The following FN1 variants were observed in gnomAD, a reference collection of about 807,000 sequenced individuals.
FN1 encodes the protein fibronectin 1, also known as fibronectin.
Under a neutral mutation model 297.3 loss-of-function variants are expected in FN1, and 106 were observed. The ratio of observed to expected loss-of-function variants is 0.36; its 90% confidence interval spans 0.30 to 0.42. The LOEUF (loss-of-function observed/expected upper bound fraction) is 0.42. Among genes scored for constraint, FN1 ranks in the 10% least tolerant of loss-of-function variants. FN1 has a pLI of 1.00. For missense variants in FN1, 2,690 were observed against 3,124.9 expected (o/e 0.86, Z 3.32); for synonymous variants, 1,149 against 1,152.6 (o/e 1.00, Z 0.06).
At chr2:215,371,833 A>C (rs2056232570) in intron 40 of FN1, 76 bp downstream of exon 40, 3 of 1,320,156 alleles carry the variant, frequency 2.3e-6, no homozygotes, top group Non-Finnish European at 3.3e-6. Context: ...TTTTTATTCG[A>C]GGGCTGGTCA....
chr2:215,361,030 A>T lies in FN1; in HGVS notation c.*525T>A, dbSNP rs188536133. The T allele has an allele frequency of 7.4e-4, 116 of 156,936 alleles. No individual in the cohort carries two copies. Among genetic ancestry groups the T allele is most frequent in the East Asian group, 5.6e-4 (3 of 5,342 alleles). 9.7% of individuals were successfully genotyped at this position (156,936 alleles called of 1,614,324 possible). On this transcript the variant is annotated 3_prime_UTR_variant, in exon 46 of 46. Coordinates refer to ENST00000354785, the MANE Select transcript of FN1 (RefSeq NM_212482.4). Reference sequence around the variant, plus strand: ...TTTTCCGTATAAAAATACTGGGAAAAATTGATAAATAACAGGTAAGAGAAA... The same window carrying T: ...TTTTCCGTATAAAAATACTGGGAAATATTGATAAATAACAGGTAAGAGAAA...
intron 3 of FN1, among the ~76,000 whole-genome samples, chr2:215,432,433 G>A (rs1428824844): frequency 6.6e-6 from 1 of 152,204 alleles, no homozygotes; most frequent in African/African-American, 2.4e-5. Context: ...CATATAAAGT[G>A]TGGAAATCCT....
intron 17 of FN1, 151 bp downstream of exon 17, chr2:215,407,956 AC>A (rs1332360908): frequency 0.023 from 776 of 33,154 alleles, 11 homozygotes; most frequent in East Asian, 0.14. Flanking sequence ...CACCCCCGCC[AC>A]ACACACACAC....
chr2:215,410,480 C>T (rs2062453179), intron 13 of FN1, among the ~76,000 whole-genome samples: 1 of 144,234 alleles, frequency 6.9e-6, no homozygotes. Context: ...CCCGGGGTGA[C>T]ATAGTTGCAG....
chr2:215,375,326 C>T lies in FN1; in HGVS notation c.6045G>A (p.Gln2015=). 6.2e-7 allele frequency: 1 copy of T among 1,614,126 alleles called. No individual in the cohort carries two copies. The highest frequency in any genetic ancestry group is 1.7e-5 in the Admixed American group (1 of 60,020). ...TTPNSLLVSW[Q]PPRARITGYI... is the part of the protein sequence containing the mutation. ...AGCCGGTAATCCTGGCACGTGGCGG[C>T]TGCCATGATACCAGCAAGGAATTGG... The change falls in exon 38 of 46, where the codon CAG becomes CAA. Residue 2015 remains glutamine (Q), a synonymous_variant. Transcript: ENST00000354785.
In FN1 at chr2:215,408,210, G is replaced by T; in HGVS notation, c.2429-13C>A. 6.2e-7 allele frequency: 1 copy of T among 1,613,882 alleles called. No homozygotes were observed. The highest frequency in any genetic ancestry group is 8.5e-7 in the Non-Finnish European group (1 of 1,179,794). ...GGGGCATCAGGCGCTAAGAAAGAAA[G>T]AAAGTGGGGCAAACAGTCAGGAAGT... On this transcript the variant is annotated splice_polypyrimidine_tract_variant and intron_variant, in intron 16 of 45. Transcript: ENST00000354785.
intron 21 of FN1, among the ~76,000 whole-genome samples, chr2:215,398,916 C>T (rs989110132): frequency 6.6e-6 from 1 of 152,186 alleles, no homozygotes; most frequent in Non-Finnish European, 1.5e-5. Context: ...TGTTCACACT[C>T]ATTTAGAACA....
chr2:215,389,415 T>C (rs2059434912), intron 26 of FN1, among the ~76,000 whole-genome samples: 1 of 151,206 alleles, frequency 6.6e-6, no homozygotes, highest in Admixed American at 6.6e-5. Context: ...TTCTTCCATT[T>C]TGATACACAG....
At chr2:215,373,527 G>C in intron 38 of FN1, 116 bp from the exon 39 acceptor site, 1 of 819,764 alleles carries the variant, frequency 1.2e-6, no homozygotes, top group Non-Finnish European at 2.1e-6. Context: ...CTGGCTGTTG[G>C]CCTCTTGAAG....
chr2:215,407,789 A>G (rs2061963021), intron 17 of FN1, among the ~76,000 whole-genome samples: 1 of 152,184 alleles, frequency 6.6e-6, no homozygotes, highest in African/African-American at 2.4e-5. Flanking sequence ...TCTTAGAGCA[A>G]CGTTTTCAGG....
intron 26 of FN1, among the ~76,000 whole-genome samples, chr2:215,388,598 C>T (rs1178631608): frequency 1.3e-5 from 2 of 152,172 alleles, no homozygotes; most frequent in African/African-American, 2.4e-5. Flanking sequence ...GGATATTTCT[C>T]GCATCCACCT....
At chr2:215,403,841 A>G (rs1400868847) in intron 20 of FN1, among the ~76,000 whole-genome samples, 1 of 152,190 alleles carries the variant, frequency 6.6e-6, no homozygotes, top group Non-Finnish European at 1.5e-5. Context: ...TAAAGAAATC[A>G]TTTCCTTGGC....
At position 215,420,664 on chromosome 2, in the gene FN1, G is replaced by A. The variant is rs759590671; in HGVS notation, c.1675+9C>T. Reference sequence around the variant, plus strand: ...GTGCAAACTCATCTAGGGAAATAGGGCTACTCACCGACGGGATCACACTTC... The same window carrying A: ...GTGCAAACTCATCTAGGGAAATAGGACTACTCACCGACGGGATCACACTTC... On this transcript the variant is annotated intron_variant, in intron 11 of 45. Coordinates refer to ENST00000354785, the MANE Select transcript of FN1 (RefSeq NM_212482.4). 3 of 1,613,894 alleles carry A rather than the reference G, an allele frequency of 1.9e-6. No individual in the cohort carries two copies. Among genetic ancestry groups the A allele is most frequent in the Admixed American group, 3.3e-5 (2 of 59,986 alleles).
At position 215,420,749 on chromosome 2, in the gene FN1, C is replaced by T. The variant is rs1294130700; in HGVS notation, c.1599G>A (p.Lys533=). 3 of 1,613,968 alleles carry T rather than the reference C, an allele frequency of 1.9e-6. No homozygotes were observed. The highest frequency in any genetic ancestry group is 2.5e-6 in the Non-Finnish European group (3 of 1,179,968). The change falls in exon 11 of 46, where the codon AAG becomes AAA. Residue 533 remains lysine, a synonymous_variant. Transcript: ENST00000354785. ...TCAGCATGTGCCCCTCTTCATGACG[C>T]TTGTGGAATGTGTCGTTCACATTGT... The part of the protein sequence containing the change: ...ITYNVNDTFH[K]RHEEGHMLNC...
At chr2:215,361,787 G>T in intron 45 of FN1, 161 bp from the exon 46 acceptor site, 1 of 471,450 alleles carries the variant, frequency 2.1e-6, no homozygotes, top group Non-Finnish European at 2.8e-6. Flanking sequence ...AATAGGAGAT[G>T]TTCAAGAGTT....
chr2:215,395,551 AC>A (rs1325892121), intron 23 of FN1, among the ~76,000 whole-genome samples: 4 of 146,986 alleles, frequency 2.7e-5, no homozygotes, highest in Non-Finnish European at 6.0e-5. Flanking sequence ...AAAAAAAAAA[AC>A]AAAACAAACA....
chr2:215,378,595 A>G, intron 34 of FN1, among the ~76,000 whole-genome samples: 1 of 152,162 alleles, frequency 6.6e-6, no homozygotes, highest in South Asian at 2.1e-4. Context: ...TTTCCTTATC[A>G]TAGAGAGGCA....
Position 215,435,923 on chromosome 2 carries a change from AGGTGGGGGCCAGAG to A in FN1, c.-135_-122del, listed in dbSNP as rs1403069500. 2.2e-6 allele frequency: 3 copies of A among 1,387,384 alleles called. No individual in the cohort carries two copies. Among genetic ancestry groups the A allele is most frequent in the South Asian group, 1.4e-5 (1 of 70,266 alleles). 85.9% of individuals were successfully genotyped at this position (1,387,384 alleles called of 1,614,324 possible). ...CTCCCGGGGGTTGTCGCCTCCAAGA[AGGTGGGGGCCAGAG>A]GGTGGGGAAGGGGACGGGTGGAGGG... On this transcript the variant is annotated 5_prime_UTR_variant, in exon 1 of 46. Coordinates refer to ENST00000354785, the MANE Select transcript of FN1 (RefSeq NM_212482.4).
chr2:215,431,805 C>T, intron 4 of FN1, 28 bp downstream of exon 4: 1 of 1,613,596 alleles, frequency 6.2e-7, no homozygotes, highest in Non-Finnish European at 8.5e-7. Context: ...AGCATCCCAG[C>T]TCTTGCTCAG....
Sources: allele counts gnomAD v4.1 joint callset (sites outside exome capture counted in the v4.1 genomes callset), GRCh38; gene constraint gnomAD v4.1.1; transcripts MANE v1.5; gene names NCBI Gene and HGNC (gene_info 2026-07-23, HGNC 2026-07-21).